RPA3: variants seen among roughly 807,000 people sequenced by gnomAD.
RPA3 encodes the protein replication protein A3, also known as replication protein A 14 kDa subunit.
A neutral mutation model predicts 13.7 loss-of-function variants in RPA3; 24 were observed. The ratio of observed to expected loss-of-function variants is 1.75; its 90% confidence interval spans 1.27 to 2.46. RPA3 has a LOEUF of 2.46. Ranked by LOEUF, RPA3 falls within the 30% of genes most tolerant of loss-of-function variation. The pLI is 0.00. For synonymous variants in RPA3, 59 were observed against 51.2 expected, an observed-to-expected ratio of 1.15 and a Z score of -0.65; for missense variants, 183 against 151.0, an observed-to-expected ratio of 1.21 and a Z score of -1.11.
chr7:7,646,685 A>C (rs1054662047), intron 4 of RPA3, among the ~76,000 whole-genome samples: 1 of 151,754 alleles, frequency 6.6e-6, no homozygotes. Context: ...GGAGCTGGAG[A>C]GGGGATGGAG....
chr7:7,700,088 A>G (rs1780420765), intron 2 of RPA3, among the ~76,000 whole-genome samples: 1 of 152,130 alleles, frequency 6.6e-6, no homozygotes. Flanking sequence ...TCCTTTAACA[A>G]AGTGTCATAG....
intron 2 of RPA3, among the ~76,000 whole-genome samples, chr7:7,693,238 T>C (rs28912715): frequency 1.9e-4 from 29 of 152,314 alleles, no homozygotes; most frequent in Non-Finnish European, 3.8e-4. Flanking sequence ...TTGTTTCCAG[T>C]ATACAATTCA....
intron 2 of RPA3, among the ~76,000 whole-genome samples, chr7:7,709,809 T>C (rs1052701414): frequency 3.3e-5 from 5 of 152,140 alleles, no homozygotes; most frequent in African/African-American, 4.8e-5. Context: ...TGAGAACATA[T>C]TCAGAATGAC....
At position 7,640,364 on chromosome 7, in the gene RPA3, G is replaced by A. The variant is rs368467887; in HGVS notation, c.55C>T (p.Gln19Ter). 3.1e-6 allele frequency: 5 copies of A among 1,614,054 alleles called. No individual in the cohort carries two copies. The highest frequency in any genetic ancestry group is 1.7e-5 in the Admixed American group (1 of 60,020). The change falls in exon 5 of 8, where the codon CAA becomes TAA. Residue 19 changes from glutamine to a stop codon, truncating the protein, a stop_gained. Coordinates refer to ENST00000223129, the MANE Select transcript of RPA3 (RefSeq NM_002947.5). LOFTEE classifies it high-confidence loss of function. ...RSRINAGMLA[Q>*]FIDKPVCFVG... ...AAGCAGACAGGCTTGTCGATGAATT[G>A]AGCTAGCATGCCGGCGTTGATGCGC... is the stretch of plus-strand genomic sequence containing the variant.
chr7:7,717,647 T>C, intron 1 of RPA3, among the ~76,000 whole-genome samples: 1 of 152,212 alleles, frequency 6.6e-6, no homozygotes, highest in East Asian at 1.9e-4. Context: ...AATTCATCTG[T>C]TTTTCCCACT....
At chr7:7,642,249 C>G (rs1393917061) in intron 4 of RPA3, among the ~76,000 whole-genome samples, 1 of 142,248 alleles carries the variant, frequency 7.0e-6, no homozygotes, top group Admixed American at 6.9e-5. Context: ...ATCCTCTCAC[C>G]TCAGCCTGCC....
At chr7:7,717,043 T>C (rs1780928246) in intron 1 of RPA3, among the ~76,000 whole-genome samples, 3 of 150,640 alleles carry the variant, frequency 2.0e-5, no homozygotes, top group Non-Finnish European at 4.4e-5. Flanking sequence ...TTTTCCTTTT[T>C]CTTTCTTTCT....
chr7:7,684,203 G>T (rs1253075313), intron 4 of RPA3, among the ~76,000 whole-genome samples: 1 of 151,714 alleles, frequency 6.6e-6, no homozygotes, highest in African/African-American at 2.4e-5. Flanking sequence ...TAGCACAGAT[G>T]CAATTTTTTT....
At chr7:7,680,291 A>G (rs1779877463) in intron 4 of RPA3, among the ~76,000 whole-genome samples, 2 of 152,122 alleles carry the variant, frequency 1.3e-5, no homozygotes, top group Admixed American at 6.5e-5. Context: ...CCACTGATTC[A>G]AGACTTCCTT....
At chr7:7,692,284 G>C (rs1780191161) in intron 2 of RPA3, 1 of 152,218 alleles carries the variant, frequency 6.6e-6, no homozygotes. Flanking sequence ...CAGGAATAGA[G>C]ACAAAAATTG....
intron 2 of RPA3, among the ~76,000 whole-genome samples, chr7:7,687,602 G>T (rs1249715051): frequency 6.6e-6 from 1 of 152,188 alleles, no homozygotes; most frequent in East Asian, 1.9e-4. Context: ...AAGCTGAAGT[G>T]TTTAAAGTGT....
chr7:7,684,846 G>A (rs540856701), intron 4 of RPA3, among the ~76,000 whole-genome samples: 1 of 152,136 alleles, frequency 6.6e-6, no homozygotes, highest in Non-Finnish European at 1.5e-5. Context: ...CAACTATTTG[G>A]GGGTAGTTGA....
intron 2 of RPA3, 76 bp from the exon 3 acceptor site, chr7:7,687,404 A>G (rs1780064959): frequency 6.6e-6 from 1 of 152,278 alleles, no homozygotes; most frequent in Non-Finnish European, 1.5e-5. Flanking sequence ...AATGCTTGGG[A>G]GAATGATTCT....
intron 4 of RPA3, among the ~76,000 whole-genome samples, chr7:7,677,275 T>C (rs1345258841): frequency 6.6e-6 from 1 of 152,300 alleles, no homozygotes; most frequent in South Asian, 2.1e-4. Flanking sequence ...CTTTTAGTTA[T>C]TTAAAAATAT....
intron 5 of RPA3, chr7:7,640,074 G>C: frequency 5.6e-6 from 3 of 537,450 alleles, no homozygotes; most frequent in East Asian, 6.6e-5. Context: ...AGCACGGCTA[G>C]AACGGAGGCG....
chr7:7,655,135 G>C (rs1785311517), intron 4 of RPA3, among the ~76,000 whole-genome samples: 2 of 152,040 alleles, frequency 1.3e-5, no homozygotes, highest in African/African-American at 4.8e-5. Flanking sequence ...ACATGCTAAT[G>C]ATGAGTAGCT....
At chr7:7,646,106 C>T (rs907556999) in intron 4 of RPA3, among the ~76,000 whole-genome samples, 12 of 152,128 alleles carry the variant, frequency 7.9e-5, no homozygotes, top group Non-Finnish European at 1.5e-4. Context: ...TTAGCCCTGC[C>T]GTCTGGGAAT....
rs1780869657 is a variant in RPA3 at position 7,715,223 on chromosome 7, G to A, written c.-1076C>T. On this transcript the variant is annotated 5_prime_UTR_variant, in exon 2 of 8. Transcript: ENST00000223129. ...CATTGTCTTCACATCCTTTTTCTGA[G>A]TACCTGAGACAAAGTGAACTACAAG... 6.6e-6 allele frequency: 1 copy of A among 152,104 alleles called. No homozygotes were observed. Among genetic ancestry groups the A allele is most frequent in the Admixed American group, 6.5e-5 (1 of 15,276 alleles). The allele number at this position is 152,104 out of a possible 1,614,324, so 9.4% of individuals were successfully genotyped here. A position where few individuals can be genotyped will look rare whatever the true frequency, so the allele number is the denominator to read the frequency against.
chr7:7,675,941 C>T (rs891264425), intron 4 of RPA3, among the ~76,000 whole-genome samples: 16 of 152,168 alleles, frequency 1.1e-4, no homozygotes, highest in South Asian at 2.1e-4. Flanking sequence ...TGCAAAGCTC[C>T]ACCCCTTCAC....
Sources: allele counts gnomAD v4.1 joint callset (sites outside exome capture counted in the v4.1 genomes callset), GRCh38; gene constraint gnomAD v4.1.1; transcripts MANE v1.5; gene names NCBI Gene and HGNC (gene_info 2026-07-23, HGNC 2026-07-21).